The following ZNF804B variants were observed in gnomAD, a reference collection of about 807,000 sequenced individuals.
ZNF804B encodes the protein zinc finger protein 804B, also known as zinc finger 804B.
ZNF804B carries 80 observed loss-of-function variants against 101.4 expected under a neutral mutation model. The ratio of observed to expected loss-of-function variants is 0.79; its 90% confidence interval spans 0.66 to 0.95. The LOEUF (loss-of-function observed/expected upper bound fraction) is 0.95, where lower values mean the gene tolerates loss of function less well. Among genes scored for constraint, ZNF804B ranks in the 40% least tolerant of loss-of-function variants. ZNF804B has a pLI of 0.00. For missense variants in ZNF804B, 1,673 were observed against 1,561.9 expected (o/e 1.07, Z -1.20); for synonymous variants, 622 against 558.8 (o/e 1.11, Z -1.59).
In ZNF804B at chr7:88,801,957, C is replaced by T. The variant is rs148760016; in HGVS notation, c.108+41873C>T. On this transcript the variant is annotated intron_variant, in intron 1 of 3. Transcript: ENST00000333190. ...TGGCTGTGTGGCCCCACCCAAATCTCATTTCGAATTGTAATCTCCATGTGT... is the reference window on the plus strand; with the variant it reads ...TGGCTGTGTGGCCCCACCCAAATCTTATTTCGAATTGTAATCTCCATGTGT... Among the ~76,000 whole-genome samples the T allele has an allele frequency of 4.1e-3, 620 of 152,178 alleles. 4 individuals carry two copies. The highest frequency in any genetic ancestry group is 0.014 in the African/African-American group (595 of 41,538).
intron 1 of ZNF804B, among the ~76,000 whole-genome samples, chr7:89,171,135 CAT>C (rs1300112161): frequency 6.6e-6 from 1 of 152,166 alleles, no homozygotes; most frequent in Non-Finnish European, 1.5e-5. Flanking sequence ...CAATTTATAA[CAT>C]GTGGTTATGG....
intron 1 of ZNF804B, among the ~76,000 whole-genome samples, chr7:89,051,324 G>A (rs1789200940): frequency 6.6e-6 from 1 of 152,036 alleles, no homozygotes; most frequent in Non-Finnish European, 1.5e-5. Context: ...TAAACTTTTA[G>A]GAACCATTTA....
At chr7:89,019,278 A>G (rs1424291113) in intron 1 of ZNF804B, among the ~76,000 whole-genome samples, 2 of 151,946 alleles carry the variant, frequency 1.3e-5, no homozygotes, top group African/African-American at 2.4e-5. Context: ...ATTTTTATGT[A>G]TGCATATTTT....
chr7:88,814,513 A>G (rs1562801176), intron 1 of ZNF804B, among the ~76,000 whole-genome samples: 1 of 151,090 alleles, frequency 6.6e-6, no homozygotes, highest in Non-Finnish European at 1.5e-5. Flanking sequence ...TGATAATAGC[A>G]CTTTTTCTAC....
intron 1 of ZNF804B, among the ~76,000 whole-genome samples, chr7:88,782,678 T>C (rs531762211): frequency 6.6e-6 from 1 of 152,310 alleles, no homozygotes; most frequent in African/African-American, 2.4e-5. Flanking sequence ...TAATTACTTA[T>C]GTTTATGCAA....
At chr7:89,297,179 C>T (rs2115911159) in intron 2 of ZNF804B, among the ~76,000 whole-genome samples, 1 of 152,098 alleles carries the variant, frequency 6.6e-6, no homozygotes, top group East Asian at 1.9e-4. Flanking sequence ...TTTTAATTCT[C>T]CTTTTTTAGC....
At chr7:88,986,619 C>T (rs1206507766) in intron 1 of ZNF804B, among the ~76,000 whole-genome samples, 1 of 152,106 alleles carries the variant, frequency 6.6e-6, no homozygotes. Flanking sequence ...CTGTTCCTGA[C>T]CTCGTGCAAT....
At chr7:89,087,746 T>G (rs1257876586) in intron 1 of ZNF804B, among the ~76,000 whole-genome samples, 2 of 151,910 alleles carry the variant, frequency 1.3e-5, no homozygotes, top group Non-Finnish European at 2.9e-5. Flanking sequence ...AAACTAGTAA[T>G]TCTACTTTCT....
At chr7:88,870,028 T>G (rs537530418) in intron 1 of ZNF804B, among the ~76,000 whole-genome samples, 1 of 152,300 alleles carries the variant, frequency 6.6e-6, no homozygotes, top group South Asian at 2.1e-4. Flanking sequence ...GGCTCTGGGA[T>G]GGCCTCTGTA....
intron 2 of ZNF804B, among the ~76,000 whole-genome samples, chr7:89,245,112 G>A (rs1410591859): frequency 2.0e-5 from 3 of 152,030 alleles, no homozygotes; most frequent in African/African-American, 4.8e-5. Context: ...CATCAAAATC[G>A]TACCCACAAA....
At chr7:88,857,594 C>G (rs1791583928) in intron 1 of ZNF804B, among the ~76,000 whole-genome samples, 1 of 152,048 alleles carries the variant, frequency 6.6e-6, no homozygotes, top group Admixed American at 6.6e-5. Flanking sequence ...AGACCAATAA[C>G]AGGCTCTGAA....
At chr7:89,215,192 G>A (rs1788871430) in intron 1 of ZNF804B, among the ~76,000 whole-genome samples, 1 of 152,088 alleles carries the variant, frequency 6.6e-6, no homozygotes, top group African/African-American at 2.4e-5. Flanking sequence ...GAATAATGAA[G>A]CAAGAAATGT....
chr7:88,911,201 A>T (rs1244101743), intron 1 of ZNF804B, among the ~76,000 whole-genome samples: 1 of 151,952 alleles, frequency 6.6e-6, no homozygotes, highest in Non-Finnish European at 1.5e-5. Flanking sequence ...TGTAAGTGCG[A>T]AAGGACATTT....
intron 1 of ZNF804B, among the ~76,000 whole-genome samples, chr7:88,958,842 A>G (rs760910213): frequency 3.3e-5 from 5 of 151,460 alleles, no homozygotes; most frequent in Non-Finnish European, 7.4e-5. Flanking sequence ...TACGGCACTC[A>G]TTTCAATCTG....
At chr7:89,026,433 TA>T (rs1184253585) in intron 1 of ZNF804B, among the ~76,000 whole-genome samples, 1 of 152,136 alleles carries the variant, frequency 6.6e-6, no homozygotes, top group Non-Finnish European at 1.5e-5. Flanking sequence ...AGTGGCATAA[TA>T]TGATTACATT....
intron 1 of ZNF804B, among the ~76,000 whole-genome samples, chr7:89,006,570 T>G (rs73383182): frequency 0.099 from 15,082 of 152,060 alleles, 811 homozygotes; most frequent in Non-Finnish European, 0.11. Flanking sequence ...ATAGTTATTA[T>G]ATTTATCATA....
rs150439837 is a variant in ZNF804B, at chr7:88,953,377, C to A, written c.108+193293C>A. On this transcript the variant is annotated intron_variant, in intron 1 of 3. Coordinates refer to ENST00000333190, the MANE Select transcript of ZNF804B (RefSeq NM_181646.5). The stretch of plus-strand genomic sequence containing the variant: ...CTCAGATAGACCTCCCTTCACTACT[C>A]TCTCTAAATAACCCTCCAGTTAACA... Among the ~76,000 whole-genome samples, 3 of 151,858 alleles carry A rather than the reference C, an allele frequency of 2.0e-5. No individual in the cohort carries two copies. The East Asian group carries it at 5.9e-4, about 30-fold the overall frequency.
At chr7:88,965,916 A>G (rs759070237) in intron 1 of ZNF804B, among the ~76,000 whole-genome samples, 2 of 151,512 alleles carry the variant, frequency 1.3e-5, no homozygotes, top group Non-Finnish European at 3.0e-5. Flanking sequence ...ATGAAGTAGT[A>G]AATACGGGTG....
chr7:89,305,400 C>T (rs992529455), intron 2 of ZNF804B, among the ~76,000 whole-genome samples: 7 of 151,866 alleles, frequency 4.6e-5, no homozygotes, highest in Non-Finnish European at 8.8e-5. Context: ...GAAATTACTA[C>T]ATCATATAGT....
Sources: allele counts gnomAD v4.1 joint callset (sites outside exome capture counted in the v4.1 genomes callset), GRCh38; gene constraint gnomAD v4.1.1; transcripts MANE v1.5; gene names NCBI Gene and HGNC (gene_info 2026-07-23, HGNC 2026-07-21).